OTUD7B: variants seen among roughly 807,000 people sequenced by gnomAD.
OTUD7B encodes OTU domain-containing protein 7B.
A neutral mutation model predicts 82.2 loss-of-function variants in OTUD7B; 34 were observed. That is an observed-to-expected ratio of 0.41 (90% confidence interval 0.31 to 0.55). OTUD7B has a LOEUF of 0.55. Among genes scored for constraint, OTUD7B ranks in the 20% least tolerant of loss-of-function variants. The pLI is 0.20. For synonymous variants in OTUD7B, 398 were observed against 402.7 expected (o/e 0.99, Z 0.14); for missense variants, 944 against 1,062.1 (o/e 0.89, Z 1.55).
the OTUD7B span, among the ~76,000 whole-genome samples, chr1:150,047,143 G>T: frequency 6.6e-6 from 1 of 152,120 alleles, no homozygotes; most frequent in Non-Finnish European, 1.5e-5. Flanking sequence ...ATCTTCCGCT[G>T]TCAATCACTC....
At chr1:149,997,214 A>G (rs1651978253) in intron 1 of OTUD7B, among the ~76,000 whole-genome samples, 1 of 152,218 alleles carries the variant, frequency 6.6e-6, no homozygotes, top group Non-Finnish European at 1.5e-5. Context: ...GCAAAAGAAG[A>G]AAACAAGAAA....
At chr1:150,066,428 T>A in the OTUD7B span, among the ~76,000 whole-genome samples, 1 of 740 alleles carries the variant, frequency 1.4e-3, no homozygotes, top group Non-Finnish European at 2.8e-3. This position sits in a 1 kb window ranked among gnomAD's most constrained non-coding sequence, Gnocchi z 4.6. Flanking sequence ...GTAGAAAAGC[T>A]GAAAGAAAAA....
Position 149,945,042 on chromosome 1 carries a change from G to C in OTUD7B, c.1347C>G (p.Ser449=), listed in dbSNP as rs782268035. The C allele has an allele frequency of 6.2e-7, 1 of 1,613,864 alleles. No individual in the cohort carries two copies. Among genetic ancestry groups the C allele is most frequent in the Admixed American group, 1.7e-5 (1 of 60,008 alleles). The change falls in exon 12 of 12, where the codon TCC becomes TCG. Residue 449 remains serine (S), a synonymous_variant. Transcript: ENST00000581312. ...GCTCATCTCCAGCTGAGGCGGTGGG[G>C]GACTCAGGCTGGGCCAGAGGAGCCT... The part of the protein sequence containing the change: ...DAQAPLAQPE[S]PTASAGDEPR...
intron 1 of OTUD7B, among the ~76,000 whole-genome samples, chr1:149,995,287 C>T (rs1553783076): frequency 2.0e-5 from 3 of 152,108 alleles, no homozygotes; most frequent in South Asian, 4.2e-4. Context: ...AGTTCTAATA[C>T]TGGCAACCTT....
the OTUD7B span, among the ~76,000 whole-genome samples, chr1:150,065,849 G>GTTTTTTTTTTT: frequency 3.3e-5 from 5 of 151,520 alleles, no homozygotes; most frequent in African/African-American, 1.2e-4. Context: ...TGTTCAAAAT[G>GTTTTTTTTTTT]TTTATGTTCC....
chr1:149,987,010 A>G (rs1290338195), intron 1 of OTUD7B, among the ~76,000 whole-genome samples: 2 of 152,238 alleles, frequency 1.3e-5, no homozygotes, highest in African/African-American at 4.8e-5. Context: ...TCCAGAAGTA[A>G]CAAGATGAGT....
At chr1:150,003,871 T>A (rs1377215046) in intron 1 of OTUD7B, among the ~76,000 whole-genome samples, 1 of 152,176 alleles carries the variant, frequency 6.6e-6, no homozygotes, top group Non-Finnish European at 1.5e-5. Context: ...CCCCCATCTT[T>A]ACTCCAGCTC....
Position 149,938,758 on chromosome 1 carries a change from T to TAAA in OTUD7B, c.*5096_*5098dup, listed in dbSNP as rs66654345. On this transcript the variant is annotated 3_prime_UTR_variant, in exon 12 of 12. Transcript: ENST00000581312. ...ACATGGCGAAACCCCCGACTCTAAC[T>TAAA]AAAAAAAAAAAAAAAAAAAAAAATT... The TAAA allele has an allele frequency of 0.01, 492 of 48,758 alleles. 33 individuals carry two copies. The highest frequency in any genetic ancestry group is 0.041 in the East Asian group (73 of 1,770). The allele number at this position is 48,758 out of a possible 1,614,324, so 3.0% of individuals were successfully genotyped here. A position where few individuals can be genotyped will look rare whatever the true frequency, so the allele number is the denominator to read the frequency against.
At chr1:149,949,182 G>A (rs1647994935) in intron 9 of OTUD7B, 99 bp from the exon 10 acceptor site, 5 of 721,848 alleles carry the variant, frequency 6.9e-6, no homozygotes, top group African/African-American at 3.5e-5. Flanking sequence ...GTCTTTAATT[G>A]TAGTCACTTC....
At chr1:150,054,401 C>G in the OTUD7B span, 373 of 539,464 alleles carry the variant, frequency 6.9e-4, 1 homozygote, top group African/African-American at 6.3e-3. Context: ...ACCTCTGGTC[C>G]TCAATCAAGT....
chr1:149,994,424 T>C (rs1651790533), intron 1 of OTUD7B, among the ~76,000 whole-genome samples: 1 of 151,556 alleles, frequency 6.6e-6, no homozygotes, highest in African/African-American at 2.4e-5. Context: ...CTACTAAAAA[T>C]ACAAAAATTA....
At chr1:150,038,623 A>G in the OTUD7B span, among the ~76,000 whole-genome samples, 7 of 151,734 alleles carry the variant, frequency 4.6e-5, no homozygotes, top group East Asian at 1.2e-3. Flanking sequence ...CTGAGCTCAA[A>G]TGATTCACCC....
At chr1:150,031,189 A>G in the OTUD7B span, among the ~76,000 whole-genome samples, 2 of 152,268 alleles carry the variant, frequency 1.3e-5, no homozygotes, top group Admixed American at 6.5e-5. Context: ...GAAAAATTTA[A>G]GTAACATGAA....
chr1:149,955,646 A>T (rs1368919625), intron 7 of OTUD7B, among the ~76,000 whole-genome samples: 3 of 151,956 alleles, frequency 2.0e-5, no homozygotes, highest in Non-Finnish European at 4.4e-5. Context: ...GTGGGGTGTT[A>T]AAGTCTCCCA....
chr1:149,982,839 T>A (rs1309164585), intron 1 of OTUD7B, among the ~76,000 whole-genome samples: 1 of 7,176 alleles, frequency 1.4e-4, no homozygotes, highest in Non-Finnish European at 2.7e-4. Flanking sequence ...TCTCCTCTCT[T>A]ACTTTTTTTT....
At chr1:149,959,909 T>C in intron 6 of OTUD7B, 113 bp from the exon 7 acceptor site, 1 of 688,924 alleles carries the variant, frequency 1.5e-6, no homozygotes, top group Non-Finnish European at 2.6e-6. Context: ...AGCACTTGGT[T>C]TACAAATTGT....
chr1:150,058,742 C>T, the OTUD7B span, among the ~76,000 whole-genome samples: 6 of 152,082 alleles, frequency 3.9e-5, no homozygotes, highest in African/African-American at 7.2e-5. Flanking sequence ...TATGTCATAC[C>T]ACATTAATCT....
At position 149,938,783 on chromosome 1, in the gene OTUD7B, TA is replaced by T. The variant is rs1162077209; in HGVS notation, c.*5073del. Reference sequence around the variant, plus strand: ...TAAAAAAAAAAAAAAAAAAAAAAATTAAGCCAGGCATGGTGGTAGGCTCCTG... The same window carrying T: ...TAAAAAAAAAAAAAAAAAAAAAAATTAGCCAGGCATGGTGGTAGGCTCCTG... On this transcript the variant is annotated 3_prime_UTR_variant, in exon 12 of 12. Transcript: ENST00000581312. The T allele has an allele frequency of 1, 130,806 of 131,076 alleles. 65,272 individuals are homozygous for T. The highest frequency in any genetic ancestry group is 1 in the East Asian group (4,685 of 4,692). 8.1% of individuals were successfully genotyped at this position (131,076 alleles called of 1,614,324 possible).
upstream of OTUD7B, among the ~76,000 whole-genome samples, chr1:150,011,824 C>T (rs1484546774): frequency 1.3e-5 from 2 of 152,234 alleles, no homozygotes; most frequent in African/African-American, 2.4e-5. Context: ...AACAAATACT[C>T]TAGTCAACTT....
Sources: allele counts gnomAD v4.1 joint callset (sites outside exome capture counted in the v4.1 genomes callset), GRCh38; gene constraint gnomAD v4.1.1; non-coding constraint Gnocchi (gnomAD v3.1); transcripts MANE v1.5; gene names NCBI Gene and HGNC (gene_info 2026-07-23, HGNC 2026-07-21).